The following POU2F2 variants were observed in gnomAD, a reference collection of about 807,000 sequenced individuals.
The protein encoded by POU2F2 is POU class 2 homeobox 2.
A neutral mutation model predicts 63.5 loss-of-function variants in POU2F2; 14 were observed. That is an observed-to-expected ratio of 0.22 (90% CI 0.15 to 0.34). The LOEUF (loss-of-function observed/expected upper bound fraction) is 0.34, where lower values mean the gene tolerates loss of function less well. Ranked by LOEUF, POU2F2 falls within the 10% of genes least tolerant of loss-of-function variation. POU2F2 has a pLI of 1.00. For synonymous variants in POU2F2, 306 were observed against 348.6 expected, an observed-to-expected ratio of 0.88 and a Z score of 1.36; for missense variants, 607 against 815.2, an observed-to-expected ratio of 0.74 and a Z score of 3.11.
upstream of POU2F2, among the ~76,000 whole-genome samples, chr19:42,135,666 AT>A (rs1469125098): frequency 1.3e-5 from 2 of 151,470 alleles, no homozygotes; most frequent in Non-Finnish European, 2.9e-5. Flanking sequence ...TTTAAAAAAA[AT>A]TAAATTAAGC....
chr19:42,095,768 G>A lies in POU2F2; in HGVS notation c.871+20C>T. 1.2e-6 allele frequency: 2 copies of A among 1,613,792 alleles called. No homozygotes were observed. Among genetic ancestry groups the A allele is most frequent in the Non-Finnish European group, 1.7e-6 (2 of 1,179,916 alleles). The stretch of plus-strand genomic sequence containing the variant: ...CGGCCACTGCCCGCCCCCTACGCGG[G>A]AACCCCAGCCTGGTCCCACCTGCAT... On this transcript the variant is annotated intron_variant, in intron 9 of 14. Coordinates refer to ENST00000692977, the MANE Select transcript of POU2F2 (RefSeq NM_001394376.1). The surrounding 1 kb of genome is among the most constrained non-coding windows in gnomAD (Gnocchi z 7.1).
At chr19:42,160,789 G>A (rs1016391738) in intron 1 of POU2F2, among the ~76,000 whole-genome samples, 1 of 152,196 alleles carries the variant, frequency 6.6e-6, no homozygotes, top group African/African-American at 2.4e-5. Context: ...ATGGGTGGAT[G>A]GAGGAATTAA....
At chr19:42,133,521 T>A (rs1568406769), upstream of POU2F2, 1 of 154,586 alleles carries the variant, frequency 6.5e-6, no homozygotes, top group Non-Finnish European at 1.5e-5. The surrounding 1 kb of genome is among the most constrained non-coding windows in gnomAD (Gnocchi z 5.1). Flanking sequence ...CCGCAGGACA[T>A]CCTGCGCCCC....
intron 1 of POU2F2, among the ~76,000 whole-genome samples, chr19:42,128,490 C>T (rs185560772): frequency 3.3e-5 from 5 of 152,290 alleles, no homozygotes; most frequent in Admixed American, 2.0e-4. Flanking sequence ...ACAAAATGGC[C>T]AACTGCTGCC....
In POU2F2 at chr19:42,096,304, G is replaced by A. The variant is rs1568981021; in HGVS notation, c.568-61C>T. On this transcript the variant is annotated intron_variant, in intron 7 of 14. Transcript: ENST00000692977. This position sits in a 1 kb window ranked among gnomAD's most constrained non-coding sequence, Gnocchi z 4.1. ...GAGGACCAGGATGGGGCTCAGCGAT[G>A]GGTGCACAGTCCCCCTCCCGCCCTC... The A allele has an allele frequency of 4.2e-6, 6 of 1,444,728 alleles. No homozygotes were observed. Among genetic ancestry groups the A allele is most frequent in the Non-Finnish European group, 5.5e-6 (6 of 1,083,166 alleles). The allele number at this position is 1,444,728 out of a possible 1,614,324, so 89.5% of individuals were successfully genotyped here. A position where few individuals can be genotyped will look rare whatever the true frequency, so the allele number is the denominator to read the frequency against.
At chr19:42,123,562 C>T (rs557470755) in intron 1 of POU2F2, among the ~76,000 whole-genome samples, 50 of 152,268 alleles carry the variant, frequency 3.3e-4, no homozygotes, top group East Asian at 3.9e-4. Context: ...TGAGGCTCCA[C>T]GAAGGGATGT....
rs1157158033 is a variant in POU2F2 at position 42,096,443 on chromosome 19, A to T, written c.568-200T>A. On this transcript the variant is annotated intron_variant, in intron 7 of 14. Transcript: ENST00000692977. The surrounding 1 kb of genome is among the most constrained non-coding windows in gnomAD (Gnocchi z 4.1). ...CACTGTTAATCCCTTTAAAGGTCCGACTCTGCTGCCCTACATGGGTTTCCT... is the reference window on the plus strand; with the variant it reads ...CACTGTTAATCCCTTTAAAGGTCCGTCTCTGCTGCCCTACATGGGTTTCCT... Among the ~76,000 whole-genome samples the T allele has an allele frequency of 6.6e-6, 1 of 151,962 alleles. No homozygotes were observed. The highest frequency in any genetic ancestry group is 2.4e-5 in the African/African-American group (1 of 41,350).
intron 14 of POU2F2, 67 bp from the exon 15 acceptor site, chr19:42,091,658 A>G (rs2076719036): frequency 1.3e-6 from 2 of 1,549,172 alleles, no homozygotes; most frequent in East Asian, 2.4e-5. Context: ...GCCTTCCAGC[A>G]TCCTGCCCAG....
chr19:42,137,220 T>C (rs911039534), upstream of POU2F2: 3 of 152,176 alleles, frequency 2.0e-5, no homozygotes, highest in Admixed American at 2.0e-4. Context: ...ACCCCTGTAG[T>C]CCTGGCTCCT....
chr19:42,197,894 G>A (rs949146439), upstream of POU2F2, among the ~76,000 whole-genome samples: 2 of 152,118 alleles, frequency 1.3e-5, no homozygotes, highest in African/African-American at 4.8e-5. Flanking sequence ...TCCTGGGAGT[G>A]GCCGGGTGCA....
intron 1 of POU2F2, among the ~76,000 whole-genome samples, chr19:42,125,224 T>C (rs747606520): frequency 6.6e-6 from 1 of 151,818 alleles, no homozygotes; most frequent in Admixed American, 6.6e-5. Flanking sequence ...CCGGACATGA[T>C]GGTGGTGGGC....
At chr19:42,124,036 G>A (rs1235178333) in intron 1 of POU2F2, among the ~76,000 whole-genome samples, 3 of 152,170 alleles carry the variant, frequency 2.0e-5, no homozygotes, top group African/African-American at 4.8e-5. Flanking sequence ...AGGCACAGTG[G>A]TTCACGCCTG....
At chr19:42,101,469 C>T (rs1294040988) in intron 5 of POU2F2, among the ~76,000 whole-genome samples, 1 of 152,086 alleles carries the variant, frequency 6.6e-6, no homozygotes, top group Non-Finnish European at 1.5e-5. Flanking sequence ...TGAAGAGACA[C>T]AGGGAAAAGA....
chr19:42,170,878 C>T (rs2034749781), intron 1 of POU2F2, among the ~76,000 whole-genome samples: 1 of 152,260 alleles, frequency 6.6e-6, no homozygotes, highest in Admixed American at 6.5e-5. Context: ...CCAGCTTCAG[C>T]CAAATGCGCC....
chr19:42,117,054 A>G lies in POU2F2; in HGVS notation c.369+196T>C, dbSNP rs1193748979. 1 of 667,550 alleles carries G rather than the reference A, an allele frequency of 1.5e-6. No individual in the cohort carries two copies. The highest frequency in any genetic ancestry group is 2.7e-6 in the Non-Finnish European group (1 of 370,260). The allele number at this position is 667,550 out of a possible 1,614,324, so 41.4% of individuals were successfully genotyped here. On this transcript the variant is annotated intron_variant, in intron 5 of 14. Transcript: ENST00000692977. The surrounding 1 kb of genome is among the most constrained non-coding windows in gnomAD (Gnocchi z 4.4). Reference sequence around the variant, plus strand: ...GAATTGGAGCAAGGGGTTGAAGAGGAGCAGAGAAGGCAGAGAGGGGTTAGT... The same window carrying G: ...GAATTGGAGCAAGGGGTTGAAGAGGGGCAGAGAAGGCAGAGAGGGGTTAGT...
At chr19:42,099,237 T>G in intron 7 of POU2F2, 6 of 350,722 alleles carry the variant, frequency 1.7e-5, no homozygotes, top group East Asian at 1.1e-4. Context: ...CACATGAGCA[T>G]TTTGGGGGAA....
At chr19:42,111,754 A>T (rs1251571731) in intron 5 of POU2F2, among the ~76,000 whole-genome samples, 1 of 152,114 alleles carries the variant, frequency 6.6e-6, no homozygotes, top group East Asian at 1.9e-4. Flanking sequence ...CTCATGTCCC[A>T]TCTGTATGCC....
intron 1 of POU2F2, among the ~76,000 whole-genome samples, chr19:42,170,008 G>A (rs1489928228): frequency 6.6e-6 from 1 of 152,020 alleles, no homozygotes; most frequent in Non-Finnish European, 1.5e-5. Flanking sequence ...GGTGGGGGAG[G>A]GGCTGGTCCC....
Position 42,122,554 on chromosome 19 carries a change from C to G in POU2F2, c.51G>C (p.Leu17=). ...GAPEIRMSKP[L]EAEKQGLDSP... ...AGTCCAGACCTTGCTTCTCGGCCTC[C>G]AGGGGCTTAGACATTCTTATTTCTG... The change falls in exon 2 of 15, where the codon CTG becomes CTC. Residue 17 remains leucine (L), a synonymous_variant. Transcript: ENST00000692977. The G allele has an allele frequency of 6.2e-7, 1 of 1,602,168 alleles. No individual in the cohort carries two copies. Among genetic ancestry groups the G allele is most frequent in the South Asian group, 1.1e-5 (1 of 89,684 alleles).
Sources: allele counts gnomAD v4.1 joint callset (sites outside exome capture counted in the v4.1 genomes callset), GRCh38; gene constraint gnomAD v4.1.1; non-coding constraint Gnocchi (gnomAD v3.1); transcripts MANE v1.5; gene names NCBI Gene and HGNC (gene_info 2026-07-23, HGNC 2026-07-21).